SCN9A: variants seen among roughly 807,000 people sequenced by gnomAD.
SCN9A encodes sodium channel protein type 9 subunit alpha.
Under a neutral mutation model 187.0 loss-of-function variants are expected in SCN9A, and 131 were observed. The ratio of observed to expected loss-of-function variants is 0.70; its 90% CI spans 0.61 to 0.81. The LOEUF is 0.81. SCN9A is among the 30% of genes least tolerant of loss of function. The pLI, the probability that SCN9A is intolerant of heterozygous loss-of-function variation, is 0.00. For synonymous variants in SCN9A, 809 were observed against 808.6 expected (o/e 1.00, Z -0.01); for missense variants, 2,252 against 2,396.6 (o/e 0.94, Z 1.26).
Position 166,196,973 on chromosome 2 carries a change from T to C in SCN9A, c.*1699A>G, listed in dbSNP as rs1693263612. 1 of 152,124 alleles carries C rather than the reference T, an allele frequency of 6.6e-6. No individual in the cohort carries two copies. The highest frequency in any genetic ancestry group is 2.4e-5 in the African/African-American group (1 of 41,456). The allele number at this position is 152,124 out of a possible 1,614,324, so 9.4% of individuals were successfully genotyped here. ...TCATTCTTTAACCATAAATCTTTGT[T>C]TCTATAGGTACGTTTAAATCCTCTT... On this transcript the variant is annotated 3_prime_UTR_variant, in exon 27 of 27. Transcript: ENST00000642356.
intron 26 of SCN9A, among the ~76,000 whole-genome samples, chr2:166,202,289 C>T (rs1445310973): frequency 1.3e-5 from 2 of 151,196 alleles, no homozygotes; most frequent in East Asian, 1.9e-4. Flanking sequence ...ATATTTCCTA[C>T]TAGAATCTTT....
intron 21 of SCN9A, 137 bp downstream of exon 21, chr2:166,233,201 GTA>G (rs1553480050): frequency 1.1e-5 from 2 of 178,696 alleles, no homozygotes; most frequent in East Asian, 1.1e-4. Flanking sequence ...ATGTATATAT[GTA>G]TATGTACACA....
At position 166,226,635 on chromosome 2, in the gene SCN9A, C is replaced by T. The variant is rs200499563; in HGVS notation, c.4330G>A (p.Gly1444Arg). The T allele has an allele frequency of 1.3e-6, 2 of 1,588,826 alleles. No individual in the cohort carries two copies. The highest frequency in any genetic ancestry group is 1.7e-6 in the Non-Finnish European group (2 of 1,167,336). ...YIYFVVFIIF[G>R]SFFTLNLFIG... Reference sequence around the variant, plus strand: ...AACAAGTTCAAAGTGAAGAATGACCCAAAGATGATAAAGACGACAAAATAA... The same window carrying T: ...AACAAGTTCAAAGTGAAGAATGACCTAAAGATGATAAAGACGACAAAATAA... Residue 1444 changes from glycine (G) to arginine (R), a missense_variant, in exon 24 of 27, where the codon GGG becomes AGG. This residue lies in a region of SCN9A where 368 missense variants were observed against 408.6 expected (regional missense o/e 0.90). Transcript: ENST00000642356.
At chr2:166,318,202 A>G (rs1302302319) in intron 1 of SCN9A, among the ~76,000 whole-genome samples, 1 of 152,038 alleles carries the variant, frequency 6.6e-6, no homozygotes, top group African/African-American at 2.4e-5. Flanking sequence ...GGTGGAGTCG[A>G]GGGAAAGGTG....
intron 24 of SCN9A, among the ~76,000 whole-genome samples, chr2:166,219,119 G>A (rs1694470252): frequency 6.6e-6 from 1 of 152,172 alleles, no homozygotes; most frequent in African/African-American, 2.4e-5. Context: ...ACTGTTGATG[G>A]GAGTGTAAAT....
chr2:166,343,636 T>C (rs1374890102), intron 1 of SCN9A, among the ~76,000 whole-genome samples: 4 of 152,062 alleles, frequency 2.6e-5, no homozygotes, highest in African/African-American at 2.4e-5. Context: ...TGATGGCTCA[T>C]GCCTATAATC....
At chr2:166,359,348 T>C (rs1263942792) in intron 1 of SCN9A, among the ~76,000 whole-genome samples, 1 of 152,132 alleles carries the variant, frequency 6.6e-6, no homozygotes, top group East Asian at 1.9e-4. Context: ...TTTTAATACC[T>C]CTTCTTTAGA....
chr2:166,362,149 G>A (rs569844606), intron 1 of SCN9A, among the ~76,000 whole-genome samples: 240 of 152,142 alleles, frequency 1.6e-3, no homozygotes, highest in Non-Finnish European at 2.8e-3. Flanking sequence ...TCTGGTTTGA[G>A]GAGTCTAAAG....
chr2:166,274,926 T>G (rs1451155504), intron 16 of SCN9A, among the ~76,000 whole-genome samples: 1 of 152,164 alleles, frequency 6.6e-6, no homozygotes, highest in Non-Finnish European at 1.5e-5. Context: ...TATTTAACCT[T>G]ATTGGTAGAA....
At chr2:166,238,508 T>C (rs1000820580) in intron 19 of SCN9A, among the ~76,000 whole-genome samples, 3 of 152,126 alleles carry the variant, frequency 2.0e-5, no homozygotes, top group Non-Finnish European at 4.4e-5. Flanking sequence ...TTACTTATAA[T>C]CCACAAAAAG....
rs143430080 is a variant in SCN9A at position 166,286,607 on chromosome 2, G to A, written c.1331C>T (p.Ala444Val). 4.4e-5 allele frequency: 69 copies of A among 1,551,286 alleles called. No homozygotes were observed. The East Asian group carries it at 1.1e-3, about 25-fold the overall frequency. Reference protein sequence around the residue: ...QEEAEAIAAAAAEYTSIRRSR... With the variant: ...QEEAEAIAAAVAEYTSIRRSR... ...TCTCCTAATACTTGTATATTCAGCC[G>A]CTGCCGCTGCAATTGCCTGGTTGGG... is the stretch of plus-strand genomic sequence containing the variant. Residue 444 changes from alanine to valine, a missense_variant, in exon 11 of 27, where the codon GCG (alanine) becomes GTG (valine). This residue lies in a region of SCN9A where 1,013 missense variants were observed against 997.4 expected (regional missense o/e 1.02). Coordinates refer to ENST00000642356, the MANE Select transcript of SCN9A (RefSeq NM_001365536.1).
At chr2:166,222,433 T>C (rs1694627656) in intron 24 of SCN9A, among the ~76,000 whole-genome samples, 1 of 151,662 alleles carries the variant, frequency 6.6e-6, no homozygotes. Context: ...ATCAAGACCA[T>C]CCTGGCCAAA....
chr2:166,360,983 A>G (rs1431364859), intron 1 of SCN9A, among the ~76,000 whole-genome samples: 1 of 152,196 alleles, frequency 6.6e-6, no homozygotes, highest in Non-Finnish European at 1.5e-5. Context: ...CAGTTGTTAA[A>G]TTCATGGCTC....
intron 7 of SCN9A, among the ~76,000 whole-genome samples, chr2:166,296,652 A>T (rs998311156): frequency 6.6e-6 from 1 of 152,194 alleles, no homozygotes; most frequent in Non-Finnish European, 1.5e-5. Context: ...GGAGCTGTCT[A>T]TTAGCACACT....
chr2:166,325,453 A>G (rs1468074794), intron 1 of SCN9A, among the ~76,000 whole-genome samples: 1 of 152,120 alleles, frequency 6.6e-6, no homozygotes, highest in Non-Finnish European at 1.5e-5. Context: ...GAATGAGCTT[A>G]TGACTTATAA....
At chr2:166,245,203 A>G (rs1190276634) in intron 18 of SCN9A, among the ~76,000 whole-genome samples, 3 of 152,084 alleles carry the variant, frequency 2.0e-5, no homozygotes, top group Non-Finnish European at 4.4e-5. Context: ...AAAGTTCAAA[A>G]AAAGCATTCT....
chr2:166,198,781 G>A lies in SCN9A; in HGVS notation c.5858C>T (p.Thr1953Ile), dbSNP rs1222885641. ...TACACTATCATATGAAGGTGGAGAGGTGGTGGATGAAGTGGCATCTGTTTT... is the reference window on the plus strand; with the variant it reads ...TACACTATCATATGAAGGTGGAGAGATGGTGGATGAAGTGGCATCTGTTTT... ...PEKTDATSSTTSPPSYDSVTK... is the reference protein window; with the variant it reads ...PEKTDATSSTISPPSYDSVTK... The change falls in exon 27 of 27, where the codon ACC becomes ATC. Residue 1953 changes from threonine to isoleucine, a missense_variant. This residue lies in a region of SCN9A where 345 missense variants were observed against 344.6 expected (regional missense o/e 1.00). Coordinates refer to ENST00000642356, the MANE Select transcript of SCN9A (RefSeq NM_001365536.1). The A allele has an allele frequency of 3.1e-6, 5 of 1,613,460 alleles. No homozygotes were observed. In the Admixed American group the frequency reaches 5.0e-5, roughly 16 times the overall value.
chr2:166,256,634 G>A (rs1696288593), intron 17 of SCN9A, among the ~76,000 whole-genome samples: 1 of 151,294 alleles, frequency 6.6e-6, no homozygotes, highest in African/African-American at 2.4e-5. Flanking sequence ...AAAAGGGCAA[G>A]AAAACCAATT....
At chr2:166,254,424 T>C (rs1487109760) in intron 17 of SCN9A, among the ~76,000 whole-genome samples, 2 of 151,530 alleles carry the variant, frequency 1.3e-5, no homozygotes, top group Non-Finnish European at 3.0e-5. Context: ...TGCTACAGTA[T>C]AAGCTTCTTT....
Sources: allele counts gnomAD v4.1 joint callset (sites outside exome capture counted in the v4.1 genomes callset), GRCh38; gene constraint gnomAD v4.1.1; regional missense constraint gnomAD v4.1.1; transcripts MANE v1.5; gene names NCBI Gene and HGNC (gene_info 2026-07-23, HGNC 2026-07-21).